Variants in DPH6 observed in about 807,000 individuals in gnomAD.
DPH6 encodes diphthine--ammonia ligase.
Under a neutral mutation model 38.2 loss-of-function variants are expected in DPH6, and 33 were observed. The observed-to-expected ratio is 0.86, with a 90% CI of 0.65 to 1.15. DPH6 has a LOEUF of 1.15. Ranked by LOEUF, DPH6 falls within the 50% of genes most tolerant of loss-of-function variation. The pLI is 0.00. For missense variants in DPH6, 325 were observed against 320.0 expected, an observed-to-expected ratio of 1.02 and a Z score of -0.12; for synonymous variants, 108 against 103.0, an observed-to-expected ratio of 1.05 and a Z score of -0.30.
intron 3 of DPH6, among the ~76,000 whole-genome samples, chr15:35,486,621 A>T (rs1203916532): frequency 6.6e-6 from 1 of 152,112 alleles, no homozygotes; most frequent in Non-Finnish European, 1.5e-5. Context: ...CTCCTGACAC[A>T]TGGGGATTAT....
chr15:35,262,306 TC>T (rs1256334284), intron 3 of DPH6, among the ~76,000 whole-genome samples: 2 of 152,224 alleles, frequency 1.3e-5, no homozygotes, highest in Non-Finnish European at 2.9e-5. Flanking sequence ...TAAACACACT[TC>T]ATAAAAATTT....
At chr15:35,373,240 G>T (rs2052735375) in intron 8 of DPH6, among the ~76,000 whole-genome samples, 1 of 151,586 alleles carries the variant, frequency 6.6e-6, no homozygotes, top group Admixed American at 6.6e-5. Context: ...TTTAATATTT[G>T]ATTTTATATT....
At chr15:35,362,126 C>T (rs1264795453) in intron 3 of DPH6, among the ~76,000 whole-genome samples, 2 of 152,130 alleles carry the variant, frequency 1.3e-5, no homozygotes, top group Non-Finnish European at 2.9e-5. Context: ...ATTTTGGGTC[C>T]TCTTAAAGCT....
the DPH6 span, among the ~76,000 whole-genome samples, chr15:35,162,716 A>C: frequency 0.039 from 5,953 of 151,914 alleles, 185 homozygotes; most frequent in South Asian, 0.087. Context: ...TGAAGACAAG[A>C]TGTTTGTCTT....
chr15:35,175,686 G>T, the DPH6 span, among the ~76,000 whole-genome samples: 1 of 151,742 alleles, frequency 6.6e-6, no homozygotes, highest in African/African-American at 2.4e-5. Context: ...GGTAAGCTGG[G>T]GCTGTTATTA....
Position 35,283,541 on chromosome 15 carries a change from C to T in DPH6, n.201-62959G>A, listed in dbSNP as rs1034236696. Among the ~76,000 whole-genome samples, 8 of 151,920 alleles carry T rather than the reference C, an allele frequency of 5.3e-5. No homozygotes were observed. In the South Asian group the frequency reaches 6.2e-4, roughly 12 times the overall value. ...TCAAACTCCCGTCCTCATGATCCGC[C>T]GCTTTGGCCTCCCAAAGTGCTGGGA... On this transcript the variant is annotated intron_variant and non_coding_transcript_variant, in intron 3 of 3. Transcript: ENST00000560386.
chr15:35,381,898 C>T lies in DPH6; in HGVS notation c.586G>A (p.Val196Ile). The T allele has an allele frequency of 6.2e-7, 1 of 1,611,620 alleles. No individual in the cohort carries two copies. Among genetic ancestry groups the T allele is most frequent in the Admixed American group, 1.7e-5 (1 of 59,376 alleles). ...YLIELSKKYGVHVCGEGGEYE... is the reference protein window; with the variant it reads ...YLIELSKKYGIHVCGEGGEYE... Reference sequence around the variant, plus strand: ...TCTCCACCTTCTCCACAAACATGTACTCCATACTTCTTAGAAAGCTGAAAA... The same window carrying T: ...TCTCCACCTTCTCCACAAACATGTATTCCATACTTCTTAGAAAGCTGAAAA... The change falls in exon 7 of 9, where the codon GTA becomes ATA. Residue 196 changes from valine (V) to isoleucine (I), a missense_variant. Physicochemically the swap from Val to Ile is conservative, Grantham distance 29 (BLOSUM62 3). Transcript: ENST00000256538.
intron 3 of DPH6, among the ~76,000 whole-genome samples, chr15:35,260,993 T>C (rs972015725): frequency 2.0e-5 from 3 of 152,210 alleles, no homozygotes; most frequent in Admixed American, 6.5e-5. Context: ...CCCATTCTTA[T>C]AGTTATTCAT....
At chr15:35,159,103 A>G in the DPH6 span, among the ~76,000 whole-genome samples, 3 of 151,954 alleles carry the variant, frequency 2.0e-5, no homozygotes, top group East Asian at 1.9e-4. Flanking sequence ...TTTTTCCCCA[A>G]ATTCCGACAT....
intron 3 of DPH6, among the ~76,000 whole-genome samples, chr15:35,336,992 T>C (rs1264011935): frequency 3.9e-5 from 6 of 152,132 alleles, no homozygotes; most frequent in Admixed American, 1.3e-4. Flanking sequence ...CCTCTTTTTC[T>C]ATTGATTGGA....
At chr15:35,164,814 T>C in the DPH6 span, among the ~76,000 whole-genome samples, 2 of 151,908 alleles carry the variant, frequency 1.3e-5, no homozygotes, top group East Asian at 1.9e-4. Flanking sequence ...TTTCTAGGCA[T>C]TGGCCTTATG....
At chr15:35,237,757 T>A in intron 3 of DPH6, 2 of 1,611,468 alleles carry the variant, frequency 1.2e-6, no homozygotes, top group Non-Finnish European at 1.7e-6. Flanking sequence ...AACTCACATA[T>A]CTTGACGGCT....
chr15:35,241,711 C>A (rs148570305), intron 3 of DPH6, among the ~76,000 whole-genome samples: 11,240 of 141,876 alleles, frequency 0.079, 2,283 homozygotes, highest in African/African-American at 0.27. Flanking sequence ...CGATCATGCA[C>A]CCCTTACCAT....
At chr15:35,210,928 A>G in the DPH6 span, among the ~76,000 whole-genome samples, 1 of 149,146 alleles carries the variant, frequency 6.7e-6, no homozygotes, top group East Asian at 2.0e-4. Context: ...TTTGGCTTCT[A>G]AGGACATAGA....
chr15:35,211,663 T>A, the DPH6 span, among the ~76,000 whole-genome samples: 1 of 152,138 alleles, frequency 6.6e-6, no homozygotes, highest in African/African-American at 2.4e-5. Context: ...AAATGGTTTT[T>A]AAAAAAACAC....
intron 3 of DPH6, among the ~76,000 whole-genome samples, chr15:35,293,787 C>T (rs549746521): frequency 6.6e-6 from 1 of 152,286 alleles, no homozygotes; most frequent in Non-Finnish European, 1.5e-5. Context: ...GTAATGGTGT[C>T]CCTGACTGGT....
the DPH6 span, among the ~76,000 whole-genome samples, chr15:35,150,608 T>C: frequency 1.3e-5 from 2 of 152,244 alleles, no homozygotes; most frequent in Admixed American, 1.3e-4. Context: ...CTTAGAAATC[T>C]ACTTCAGTAA....
intron 3 of DPH6, among the ~76,000 whole-genome samples, chr15:35,269,019 T>C (rs1264680712): frequency 1.3e-5 from 2 of 152,222 alleles, no homozygotes; most frequent in South Asian, 2.1e-4. Context: ...AATAATTATA[T>C]TGATTGACAG....
chr15:35,517,998 A>G (rs1398476266), intron 3 of DPH6, among the ~76,000 whole-genome samples: 7 of 152,106 alleles, frequency 4.6e-5, no homozygotes, highest in African/African-American at 1.7e-4. Flanking sequence ...ATTGGTTCAC[A>G]GAGAAACAAT....
Sources: gnomAD v4.1 joint callset for allele counts (sites outside exome capture counted in the v4.1 genomes callset) on GRCh38, gnomAD v4.1.1 for gene constraint, MANE v1.5 for transcripts, NCBI Gene and HGNC (gene_info 2026-07-23, HGNC 2026-07-21) for gene names.